PCDH15: variants seen among roughly 807,000 people sequenced by gnomAD.
The protein encoded by PCDH15 is protocadherin-15.
A neutral mutation model predicts 178.5 loss-of-function variants in PCDH15; 129 were observed. The observed-to-expected ratio is 0.72, with a 90% CI of 0.63 to 0.84. The LOEUF (loss-of-function observed/expected upper bound fraction) is 0.84, where lower values mean the gene tolerates loss of function less well. Among genes scored for constraint, PCDH15 ranks in the 40% least tolerant of loss-of-function variants. The pLI is 0.00. For missense variants in PCDH15, 2,230 were observed against 2,099.9 expected (o/e 1.06, Z -1.21); for synonymous variants, 800 against 732.0 (o/e 1.09, Z -1.50).
chr10:54,592,249 TTTCC>T (rs1340782363), intron 2 of PCDH15, among the ~76,000 whole-genome samples: 6 of 152,028 alleles, frequency 3.9e-5, no homozygotes, highest in Non-Finnish European at 8.8e-5. Flanking sequence ...AGAGCTCACG[TTTCC>T]TTGAGCACTT....
At chr10:55,624,544 T>C (rs988519080) in intron 2 of PCDH15, among the ~76,000 whole-genome samples, 1 of 152,182 alleles carries the variant, frequency 6.6e-6, no homozygotes, top group Non-Finnish European at 1.5e-5. Flanking sequence ...TCTATTGATA[T>C]GTGATGCTGC....
intron 27 of PCDH15, among the ~76,000 whole-genome samples, chr10:53,866,147 A>G (rs1304973315): frequency 6.6e-6 from 1 of 152,188 alleles, no homozygotes; most frequent in East Asian, 1.9e-4. Context: ...ATTTTGATAG[A>G]ACAAAGAAAT....
At chr10:53,888,304 A>ATG (rs367603952) in intron 26 of PCDH15, among the ~76,000 whole-genome samples, 44,302 of 87,396 alleles carry the variant, frequency 0.51, 11,944 homozygotes, top group East Asian at 0.69. Flanking sequence ...ATATATATAT[A>ATG]TATATGTATA....
At chr10:55,135,574 CTTTTTTT>C (rs56956557) in intron 2 of PCDH15, among the ~76,000 whole-genome samples, 5 of 68,220 alleles carry the variant, frequency 7.3e-5, no homozygotes, top group Non-Finnish European at 1.1e-4. Flanking sequence ...TCTTTTCTTT[CTTTTTTT>C]TTTTTTTTTT....
At chr10:53,886,691 G>C (rs1442588874) in intron 26 of PCDH15, among the ~76,000 whole-genome samples, 1 of 137,964 alleles carries the variant, frequency 7.2e-6, no homozygotes, top group Non-Finnish European at 1.5e-5. Context: ...AGCCCAAAAA[G>C]AGCCCATTCC....
chr10:54,689,794 G>C (rs2095083016), intron 1 of PCDH15, among the ~76,000 whole-genome samples: 1 of 152,140 alleles, frequency 6.6e-6, no homozygotes, highest in African/African-American at 2.4e-5. Context: ...ATATATTGGA[G>C]TGTGCTCTAT....
At chr10:54,494,131 A>G (rs553315581) in intron 3 of PCDH15, among the ~76,000 whole-genome samples, 22 of 151,904 alleles carry the variant, frequency 1.4e-4, no homozygotes, top group African/African-American at 2.4e-4. Flanking sequence ...GATATACCTA[A>G]TGCTAAATGA....
At chr10:55,585,628 A>T (rs1044316006) in intron 2 of PCDH15, among the ~76,000 whole-genome samples, 1 of 152,096 alleles carries the variant, frequency 6.6e-6, no homozygotes, top group African/African-American at 2.4e-5. Flanking sequence ...TTGAGCCGAG[A>T]TGGCGCCAAT....
chr10:53,992,115 C>G (rs987285299), intron 21 of PCDH15, among the ~76,000 whole-genome samples: 2 of 151,836 alleles, frequency 1.3e-5, no homozygotes, highest in Non-Finnish European at 2.9e-5. Context: ...CATGAACCCA[C>G]TGGGAGGAAT....
At chr10:54,336,150 T>C (rs1348196563) in intron 6 of PCDH15, among the ~76,000 whole-genome samples, 1 of 152,134 alleles carries the variant, frequency 6.6e-6, no homozygotes, top group Non-Finnish European at 1.5e-5. Flanking sequence ...TAGCAAAACA[T>C]TCAAGATGTG....
intron 37 of PCDH15, chr10:53,809,573 G>C (rs758082349): frequency 6.3e-7 from 1 of 1,598,018 alleles, no homozygotes; most frequent in Non-Finnish European, 8.5e-7. Flanking sequence ...TGCAATTGAA[G>C]TGTCAGCTTG....
intron 2 of PCDH15, among the ~76,000 whole-genome samples, chr10:55,556,524 C>CTGGGTTTAAAAGTTATT (rs1425065742): frequency 1.3e-5 from 2 of 152,116 alleles, no homozygotes; most frequent in East Asian, 3.9e-4. Context: ...TTTTTGTAGA[C>CTGGGTTTAAAAGTTATT]TGGGTTTAAA....
At chr10:54,713,536 T>G (rs1383073359) in intron 1 of PCDH15, among the ~76,000 whole-genome samples, 2 of 152,074 alleles carry the variant, frequency 1.3e-5, no homozygotes, top group East Asian at 1.9e-4. Flanking sequence ...AATTCCGAAT[T>G]GATTAAGTAG....
At chr10:54,105,317 T>TACAC (rs1554967825) in intron 15 of PCDH15, among the ~76,000 whole-genome samples, 3,014 of 91,114 alleles carry the variant, frequency 0.033, 129 homozygotes, top group Non-Finnish European at 0.049. Flanking sequence ...TATATATATA[T>TACAC]ACACACACAC....
chr10:55,619,237 A>G (rs539630600), intron 2 of PCDH15, among the ~76,000 whole-genome samples: 1 of 152,196 alleles, frequency 6.6e-6, no homozygotes, highest in African/African-American at 2.4e-5. Flanking sequence ...ATAATGTCTT[A>G]GAGTATAAAA....
At position 53,807,117 on chromosome 10, in the gene PCDH15, C is replaced by CTTTT. The variant is rs1841227853; in HGVS notation, c.4681_4684dup (p.Arg1562LysfsTer9). 1 of 1,594,190 alleles carries CTTTT rather than the reference C, an allele frequency of 6.3e-7. No individual in the cohort carries two copies. Among genetic ancestry groups the CTTTT allele is most frequent in the African/African-American group, 1.4e-5 (1 of 74,024 alleles). ...TCGATCAACAACTAACTTGATCATT[C>CTTTT]TTTTTCTTGCCCACTGATAAAATAA... is the stretch of plus-strand genomic sequence containing the variant. On this transcript the variant is annotated frameshift_variant, in exon 38 of 38. Transcript: ENST00000644397. LOFTEE classifies it high-confidence loss of function.
chr10:54,990,959 T>A (rs1839484210), intron 2 of PCDH15, among the ~76,000 whole-genome samples: 1 of 132,228 alleles, frequency 7.6e-6, no homozygotes, highest in East Asian at 2.1e-4. Flanking sequence ...CCCAATAAAA[T>A]TTTAAAAGAA....
chr10:54,227,623 C>T (rs770625247), intron 9 of PCDH15, among the ~76,000 whole-genome samples: 2 of 152,190 alleles, frequency 1.3e-5, no homozygotes, highest in Non-Finnish European at 2.9e-5. Flanking sequence ...ATTTCTGCAG[C>T]CAGCTTGAAT....
At chr10:54,463,142 C>T (rs925182555) in intron 3 of PCDH15, among the ~76,000 whole-genome samples, 1 of 152,004 alleles carries the variant, frequency 6.6e-6, no homozygotes, top group South Asian at 2.1e-4. Context: ...ATATATAAAA[C>T]ATATTCCAAA....
Sources: gnomAD v4.1 joint callset for allele counts (sites outside exome capture counted in the v4.1 genomes callset) on GRCh38, gnomAD v4.1.1 for gene constraint, MANE v1.5 for transcripts, NCBI Gene and HGNC (gene_info 2026-07-23, HGNC 2026-07-21) for gene names.